The following RAB3GAP2 variants were observed in gnomAD, a reference collection of about 807,000 sequenced individuals.
RAB3GAP2 encodes the protein RAB3 GTPase activating non-catalytic protein subunit 2.
In RAB3GAP2, 87 loss-of-function variants were observed where a neutral mutation model predicts 185.3. That is an observed-to-expected ratio of 0.47 (90% CI 0.39 to 0.56). The LOEUF (loss-of-function observed/expected upper bound fraction) is 0.56, where lower values mean the gene tolerates loss of function less well. Among genes scored for constraint, RAB3GAP2 ranks in the 20% least tolerant of loss-of-function variants. RAB3GAP2 has a pLI of 0.00. For synonymous variants in RAB3GAP2, 554 were observed against 576.1 expected (o/e 0.96, Z 0.55); for missense variants, 1,492 against 1,638.2 (o/e 0.91, Z 1.54).
At chr1:220,252,351 G>A (rs1027762630) in intron 1 of RAB3GAP2, among the ~76,000 whole-genome samples, 2 of 152,108 alleles carry the variant, frequency 1.3e-5, no homozygotes, top group African/African-American at 4.8e-5. Flanking sequence ...TAGCTTGTGT[G>A]TATGTGTGTG....
At position 220,195,331 on chromosome 1, in the gene RAB3GAP2, C is replaced by G. The variant is rs1306515068; in HGVS notation, c.1007G>C (p.Ser336Thr). The stretch of plus-strand genomic sequence containing the variant: ...ATTAAATAAAGCAGAAGTGAGTTTA[C>G]TTGCAACTGCTAGTGCAACATGGGA... ...LLSHVALAVASKLTSALFNAA... is the reference protein window; with the variant it reads ...LLSHVALAVATKLTSALFNAA... Residue 336 changes from serine to threonine, a missense_variant, in exon 11 of 35, where the codon AGT becomes ACT. Around this residue, in one of 5 missense-constraint regions of RAB3GAP2, gnomAD observed 243 missense variants for 314.8 expected, o/e 0.77. Coordinates refer to ENST00000358951, the MANE Select transcript of RAB3GAP2 (RefSeq NM_012414.4). 6.2e-7 allele frequency: 1 copy of G among 1,613,128 alleles called. No homozygotes were observed. The highest frequency in any genetic ancestry group is 1.7e-5 in the Admixed American group (1 of 60,020).
At chr1:220,269,175 G>A (rs1660287321) in intron 1 of RAB3GAP2, among the ~76,000 whole-genome samples, 1 of 152,218 alleles carries the variant, frequency 6.6e-6, no homozygotes, top group African/African-American at 2.4e-5. Context: ...AGACTTGAAT[G>A]ACAAGATGCA....
Position 220,182,891 on chromosome 1 carries a change from A to G in RAB3GAP2, c.2039T>C (p.Leu680Pro), listed in dbSNP as rs139964767. 1.4e-5 allele frequency: 22 copies of G among 1,613,482 alleles called. No individual in the cohort carries two copies. ...TTTCTCTAGTAATGCCTGGAGCTTA[A>G]GCAGTTCTTTTTCATCAAGCCTTAG... ...LLLRLDEKELLKLQALLEKYK... is the reference protein window; with the variant it reads ...LLLRLDEKELPKLQALLEKYK... The change falls in exon 20 of 35, where the codon CTT (leucine) becomes CCT (proline). Residue 680 changes from leucine to proline, a missense_variant. Around this residue, in one of 5 missense-constraint regions of RAB3GAP2, gnomAD observed 681 missense variants for 689.1 expected, o/e 0.99. Transcript: ENST00000358951.
chr1:220,182,497 TA>T, intron 20 of RAB3GAP2, 143 bp from the exon 21 acceptor site: 1 of 1,484,558 alleles, frequency 6.7e-7, no homozygotes, highest in East Asian at 2.5e-5. Flanking sequence ...CTTGATTTAT[TA>T]AAGCAGAAAG....
chr1:220,202,966 C>T (rs1658891394), intron 8 of RAB3GAP2, among the ~76,000 whole-genome samples: 1 of 152,044 alleles, frequency 6.6e-6, no homozygotes, highest in Non-Finnish European at 1.5e-5. Context: ...GAAAACAAAA[C>T]AAAAACAAAG....
chr1:220,189,280 CA>C (rs1658562960), intron 17 of RAB3GAP2, among the ~76,000 whole-genome samples: 1 of 151,872 alleles, frequency 6.6e-6, no homozygotes, highest in East Asian at 1.9e-4. Context: ...TACAATGGTG[CA>C]ATCTCAGCTC....
intron 8 of RAB3GAP2, among the ~76,000 whole-genome samples, chr1:220,204,939 T>C (rs1182719493): frequency 6.6e-6 from 1 of 152,058 alleles, no homozygotes; most frequent in Admixed American, 6.6e-5. Context: ...CTGCATAGTA[T>C]TCCATGGTGT....
chr1:220,212,008 C>T (rs1659093485), intron 4 of RAB3GAP2, among the ~76,000 whole-genome samples: 1 of 152,168 alleles, frequency 6.6e-6, no homozygotes. Context: ...TTTTCTTACT[C>T]ATTCTGATCA....
chr1:220,154,085 A>T, intron 31 of RAB3GAP2, 28 bp from the exon 32 acceptor site: 2 of 1,611,968 alleles, frequency 1.2e-6, no homozygotes, highest in South Asian at 2.2e-5. Context: ...AAGAAAACTG[A>T]TGAGTGTGGA....
intron 21 of RAB3GAP2, among the ~76,000 whole-genome samples, chr1:220,174,091 TA>T (rs893718167): frequency 7.9e-5 from 12 of 151,360 alleles, no homozygotes; most frequent in African/African-American, 2.9e-4. Flanking sequence ...CAAATAAATT[TA>T]AAAAAAAGAA....
intron 17 of RAB3GAP2, among the ~76,000 whole-genome samples, chr1:220,186,537 G>T (rs1274826880): frequency 6.6e-6 from 1 of 152,136 alleles, no homozygotes; most frequent in Non-Finnish European, 1.5e-5. Context: ...GAAAGTGACT[G>T]TAAGAGGCCA....
chr1:220,208,122 A>C (rs974321458), intron 7 of RAB3GAP2: 1 of 152,234 alleles, frequency 6.6e-6, no homozygotes, highest in African/African-American at 2.4e-5. Flanking sequence ...TTTGTACAGC[A>C]AATAGCAAGG....
At chr1:220,205,422 T>C (rs1658946323) in intron 8 of RAB3GAP2, among the ~76,000 whole-genome samples, 1 of 152,142 alleles carries the variant, frequency 6.6e-6, no homozygotes, top group South Asian at 2.1e-4. Flanking sequence ...CTGTAGGATC[T>C]TGCATCTCCC....
At chr1:220,270,712 C>T (rs1029255426) in intron 1 of RAB3GAP2, among the ~76,000 whole-genome samples, 1 of 152,192 alleles carries the variant, frequency 6.6e-6, no homozygotes, top group South Asian at 2.1e-4. Context: ...AAGAGCTTCC[C>T]AATCCATTTC....
chr1:220,199,706 C>T (rs191536938), intron 9 of RAB3GAP2, among the ~76,000 whole-genome samples: 31 of 152,272 alleles, frequency 2.0e-4, no homozygotes, highest in Admixed American at 8.5e-4. Flanking sequence ...CCTCCTTATT[C>T]TCATTTCAGT....
rs1659057563 is a variant in RAB3GAP2 at position 220,210,391 on chromosome 1, CT to C, written c.608del (p.Glu203GlyfsTer6). ...YEIPRHPGVT[E>X]QNEELSILYP... Reference sequence around the variant, plus strand: ...GGAACACAATTTTTTACACTACCTGCTCAGTCACGCCGGGATGTCGTGGTAT... The same window carrying C: ...GGAACACAATTTTTTACACTACCTGCCAGTCACGCCGGGATGTCGTGGTAT... On this transcript the variant is annotated frameshift_variant, in exon 7 of 35. Coordinates refer to ENST00000358951, the MANE Select transcript of RAB3GAP2 (RefSeq NM_012414.4). LOFTEE classifies it high-confidence loss of function. 6.2e-7 allele frequency: 1 copy of C among 1,613,154 alleles called. No homozygotes were observed. Among genetic ancestry groups the C allele is most frequent in the Non-Finnish European group, 8.5e-7 (1 of 1,179,132 alleles).
In RAB3GAP2 at chr1:220,232,809, G is replaced by A. The variant is rs1243850752; in HGVS notation, c.170C>T (p.Pro57Leu). 1 of 1,613,104 alleles carries A rather than the reference G, an allele frequency of 6.2e-7. No homozygotes were observed. Among genetic ancestry groups the A allele is most frequent in the African/African-American group, 1.3e-5 (1 of 74,822 alleles). Residue 57 changes from proline (P) to leucine (L), a missense_variant, in exon 2 of 35, where the codon CCA becomes CTA. By Grantham distance (98) the Pro-to-Leu change is moderately conservative. This residue lies in a region of RAB3GAP2 where 177 missense variants were observed against 160.6 expected (regional missense o/e 1.10). Coordinates refer to ENST00000358951, the MANE Select transcript of RAB3GAP2 (RefSeq NM_012414.4). ...TTTGTAAAGACTTACAGGTTCTTGT[G>A]GTTCATTTTCTTCCCATGCTCCCCA... is the stretch of plus-strand genomic sequence containing the variant. ...DGWGAWEENEPQEPEEEGNTC... is the reference protein window; with the variant it reads ...DGWGAWEENELQEPEEEGNTC...
chr1:220,204,432 T>C (rs1658919236), intron 8 of RAB3GAP2, among the ~76,000 whole-genome samples: 1 of 152,196 alleles, frequency 6.6e-6, no homozygotes, highest in African/African-American at 2.4e-5. Context: ...AAGAAGTCCA[T>C]TAATTTAATA....
intron 7 of RAB3GAP2, 33 bp from the exon 8 acceptor site, chr1:220,206,039 A>G (rs1303410502): frequency 9.0e-6 from 12 of 1,327,844 alleles, no homozygotes; most frequent in Non-Finnish European, 1.3e-5. Flanking sequence ...AAGTTCTTGA[A>G]TAGATAAATA....
Sources: gnomAD v4.1 joint callset for allele counts (sites outside exome capture counted in the v4.1 genomes callset) on GRCh38, gnomAD v4.1.1 for gene constraint, gnomAD v4.1.1 regional missense constraint, MANE v1.5 for transcripts, NCBI Gene and HGNC (gene_info 2026-07-23, HGNC 2026-07-21) for gene names.